NDST4: variants seen among roughly 807,000 people sequenced by gnomAD.
The protein encoded by NDST4 is N-heparan sulfate sulfotransferase 4.
A neutral mutation model predicts 100.8 loss-of-function variants in NDST4; 63 were observed. The ratio of observed to expected loss-of-function variants is 0.62; its 90% CI spans 0.51 to 0.77. The LOEUF is 0.77. NDST4 is among the 30% of genes least tolerant of loss of function. The probability of loss-of-function intolerance (pLI) is 0.00; values close to 1 mark genes in which losing one functional copy is unlikely to be tolerated. For synonymous variants in NDST4, 377 were observed against 361.8 expected (o/e 1.04, Z -0.48); for missense variants, 943 against 1,018.4 (o/e 0.93, Z 1.01).
At chr4:114,850,675 A>C (rs926440873) in intron 8 of NDST4, among the ~76,000 whole-genome samples, 1 of 152,184 alleles carries the variant, frequency 6.6e-6, no homozygotes, top group South Asian at 2.1e-4. Flanking sequence ...CTTAGTTTTA[A>C]TGTACGGGGG....
chr4:114,929,992 G>C (rs1361170578), intron 6 of NDST4, among the ~76,000 whole-genome samples: 1 of 152,114 alleles, frequency 6.6e-6, no homozygotes, highest in Admixed American at 6.5e-5. Flanking sequence ...ATATGTGTCA[G>C]GAATGTAGCC....
At chr4:114,946,888 G>A (rs753417105) in intron 4 of NDST4, among the ~76,000 whole-genome samples, 3 of 151,926 alleles carry the variant, frequency 2.0e-5, no homozygotes, top group Non-Finnish European at 4.4e-5. Flanking sequence ...AATTAAAATC[G>A]TGGCTACTAT....
At chr4:115,072,011 C>T (rs1271282992) in intron 2 of NDST4, among the ~76,000 whole-genome samples, 1 of 151,728 alleles carries the variant, frequency 6.6e-6, no homozygotes, top group Non-Finnish European at 1.5e-5. Context: ...AGATAAAAAG[C>T]CATAAAGCTT....
At chr4:114,934,221 G>A (rs1725575844) in intron 6 of NDST4, among the ~76,000 whole-genome samples, 1 of 152,062 alleles carries the variant, frequency 6.6e-6, no homozygotes, top group Admixed American at 6.6e-5. Flanking sequence ...TGAACCAGGA[G>A]GACATATGCT....
chr4:115,003,618 A>G (rs1727347218), intron 2 of NDST4, among the ~76,000 whole-genome samples: 1 of 152,174 alleles, frequency 6.6e-6, no homozygotes, highest in African/African-American at 2.4e-5. Flanking sequence ...CTGTAATCCC[A>G]GTACTTTTGG....
chr4:115,042,524 T>C (rs1003700444), intron 2 of NDST4, among the ~76,000 whole-genome samples: 6 of 152,132 alleles, frequency 3.9e-5, no homozygotes, highest in Non-Finnish European at 1.5e-5. Context: ...TATATTACAG[T>C]ATATTTTATA....
At chr4:114,998,043 G>A (rs979041071) in intron 2 of NDST4, among the ~76,000 whole-genome samples, 3 of 152,050 alleles carry the variant, frequency 2.0e-5, no homozygotes, top group African/African-American at 7.2e-5. Flanking sequence ...CAACTTCTAA[G>A]TAGTATGGCT....
At chr4:114,843,949 A>G (rs1452478560) in intron 10 of NDST4, among the ~76,000 whole-genome samples, 2 of 152,106 alleles carry the variant, frequency 1.3e-5, no homozygotes, top group Non-Finnish European at 2.9e-5. Context: ...CATCATGATC[A>G]TAATCCACAC....
At chr4:115,033,124 T>C (rs886843682) in intron 2 of NDST4, among the ~76,000 whole-genome samples, 1 of 95,472 alleles carries the variant, frequency 1.0e-5, no homozygotes, top group Non-Finnish European at 1.8e-5. Flanking sequence ...AAATTATATA[T>C]ATATGTGTAT....
chr4:114,894,870 T>G (rs886473533), intron 6 of NDST4, among the ~76,000 whole-genome samples: 1 of 152,180 alleles, frequency 6.6e-6, no homozygotes, highest in Non-Finnish European at 1.5e-5. Flanking sequence ...TGATATTGGC[T>G]GTGGGTTTGT....
chr4:114,990,512 C>G (rs1727013762), intron 2 of NDST4, among the ~76,000 whole-genome samples: 1 of 152,002 alleles, frequency 6.6e-6, no homozygotes, highest in Admixed American at 6.6e-5. Context: ...TTTAGTTTGA[C>G]ATTGCAAATA....
intron 6 of NDST4, among the ~76,000 whole-genome samples, chr4:114,887,786 C>T (rs1560796081): frequency 6.6e-6 from 1 of 152,112 alleles, no homozygotes; most frequent in Non-Finnish European, 1.5e-5. Flanking sequence ...CTTTAGACTA[C>T]TGGTAAGCAG....
At chr4:114,965,214 A>T (rs947812768) in intron 4 of NDST4, among the ~76,000 whole-genome samples, 7 of 152,094 alleles carry the variant, frequency 4.6e-5, no homozygotes, top group Admixed American at 2.0e-4. Context: ...TGTAAACTGG[A>T]TAATCCAGTA....
chr4:114,977,297 A>G, intron 2 of NDST4, 23 bp from the exon 3 acceptor site: 3 of 1,494,754 alleles, frequency 2.0e-6, no homozygotes, highest in Non-Finnish European at 2.8e-6. Flanking sequence ...AGAAATTAAC[A>G]TGATTTTAGA....
chr4:115,059,762 A>C (rs569073345), intron 2 of NDST4, among the ~76,000 whole-genome samples: 3 of 152,150 alleles, frequency 2.0e-5, no homozygotes, highest in Non-Finnish European at 4.4e-5. Context: ...AAGTCATTTC[A>C]AGGTTTTCTA....
chr4:114,865,696 A>AC (rs147030083), intron 7 of NDST4, among the ~76,000 whole-genome samples: 1 of 151,916 alleles, frequency 6.6e-6, no homozygotes, highest in African/African-American at 2.4e-5. Context: ...TCTGCAAGTA[A>AC]TTTTTTTTAT....
intron 4 of NDST4, among the ~76,000 whole-genome samples, chr4:114,963,977 G>A (rs1332862918): frequency 4.6e-5 from 7 of 152,140 alleles, no homozygotes; most frequent in African/African-American, 1.4e-4. Flanking sequence ...CTTTTTGAGC[G>A]TGTGCTAGAC....
intron 2 of NDST4, among the ~76,000 whole-genome samples, chr4:115,026,976 G>A (rs1043822866): frequency 2.6e-5 from 4 of 152,090 alleles, no homozygotes; most frequent in African/African-American, 2.4e-5. Flanking sequence ...GCTGACTTCC[G>A]TAATTCCAGA....
chr4:114,988,208 C>T (rs1726953768), intron 2 of NDST4, among the ~76,000 whole-genome samples: 1 of 151,708 alleles, frequency 6.6e-6, no homozygotes, highest in African/African-American at 2.4e-5. Flanking sequence ...TCATGAAAAA[C>T]AACTATTAAG....
Sources: gnomAD v4.1 joint callset for allele counts (sites outside exome capture counted in the v4.1 genomes callset) on GRCh38, gnomAD v4.1.1 for gene constraint, MANE v1.5 for transcripts, NCBI Gene and HGNC (gene_info 2026-07-23, HGNC 2026-07-21) for gene names.